Variants in TRMT11 observed in about 807,000 individuals in gnomAD.
TRMT11 encodes the protein tRNA (guanine(10)-N(2))-methyltransferase TRMT11.
Under a neutral mutation model 62.8 loss-of-function variants are expected in TRMT11, and 53 were observed. The observed-to-expected ratio is 0.84, with a 90% CI of 0.68 to 1.06. The LOEUF (loss-of-function observed/expected upper bound fraction) is 1.06. TRMT11 is among the 50% of genes least tolerant of loss of function. The probability of loss-of-function intolerance (pLI) is 0.00; values close to 1 mark genes in which losing one functional copy is unlikely to be tolerated. For synonymous variants in TRMT11, 188 were observed against 190.3 expected (o/e 0.99, Z 0.10); for missense variants, 556 against 553.4 (o/e 1.00, Z -0.05).
chr6:125,988,198 A>T (rs1789990882), intron 1 of TRMT11, among the ~76,000 whole-genome samples: 1 of 152,228 alleles, frequency 6.6e-6, no homozygotes, highest in South Asian at 2.1e-4. Context: ...AAAAAGTGTC[A>T]TTGATAGTCT....
At chr6:125,987,478 G>A (rs1166358117) in intron 1 of TRMT11, among the ~76,000 whole-genome samples, 1 of 152,176 alleles carries the variant, frequency 6.6e-6, no homozygotes, top group Admixed American at 6.5e-5. Flanking sequence ...GAGTACCCTG[G>A]AGCTTGGAAG....
intron 8 of TRMT11, chr6:126,009,428 C>A (rs1201571817): frequency 2.0e-5 from 3 of 151,838 alleles, no homozygotes; most frequent in African/African-American, 7.3e-5. Flanking sequence ...TTCCTTATAG[C>A]TTAATGGTAT....
chr6:126,093,625 A>ATTT (rs1483189635), intron 17 of TRMT11, among the ~76,000 whole-genome samples: 8 of 103,520 alleles, frequency 7.7e-5, no homozygotes, highest in African/African-American at 3.8e-4. Flanking sequence ...ATATATATAT[A>ATTT]TATATATTTT....
downstream of TRMT11, among the ~76,000 whole-genome samples, chr6:126,042,399 G>T (rs1302110109): frequency 1.3e-5 from 2 of 152,112 alleles, no homozygotes; most frequent in Non-Finnish European, 2.9e-5. Context: ...AGGGCTCTTT[G>T]GGGGATGGAG....
Position 126,001,122 on chromosome 6 carries a change from A to G in TRMT11, c.679+1509A>G, listed in dbSNP as rs946728781. 2.0e-5 allele frequency among the ~76,000 whole-genome samples: 3 copies of G among 152,242 alleles called. No homozygotes were observed. In the East Asian group the frequency reaches 5.8e-4, roughly 29 times the overall value. On this transcript the variant is annotated intron_variant, in intron 7 of 12. Transcript: ENST00000334379. Reference sequence around the variant, plus strand: ...CAAGAATGAGGATATATTCTTCTACATAACCACAGTACTGTTTTCAGTGTT... The same window carrying G: ...CAAGAATGAGGATATATTCTTCTACGTAACCACAGTACTGTTTTCAGTGTT...
intron 17 of TRMT11, among the ~76,000 whole-genome samples, chr6:126,091,863 C>A (rs898771853): frequency 1.9e-4 from 29 of 152,260 alleles, no homozygotes; most frequent in African/African-American, 7.0e-4. Flanking sequence ...GCCGTAAAAT[C>A]GCCACATGGA....
At chr6:126,108,092 A>G (rs1777484700) in intron 17 of TRMT11, among the ~76,000 whole-genome samples, 1 of 152,122 alleles carries the variant, frequency 6.6e-6, no homozygotes, top group Non-Finnish European at 1.5e-5. Flanking sequence ...ATTCTTCCCT[A>G]TCTTTTTAAA....
chr6:126,194,398 T>C (rs1778640864), intron 1 of TRMT11, among the ~76,000 whole-genome samples: 1 of 152,224 alleles, frequency 6.6e-6, no homozygotes, highest in Non-Finnish European at 1.5e-5. Context: ...TGGTACACAC[T>C]ACTGACCATT....
the TRMT11 span, among the ~76,000 whole-genome samples, chr6:126,252,678 A>G: frequency 6.6e-6 from 1 of 152,194 alleles, no homozygotes; most frequent in Non-Finnish European, 1.5e-5. Flanking sequence ...AATAGAGAAT[A>G]GTAGAATTTC....
intron 1 of TRMT11, among the ~76,000 whole-genome samples, chr6:125,989,648 G>A (rs958346876): frequency 6.6e-6 from 1 of 152,162 alleles, no homozygotes; most frequent in African/African-American, 2.4e-5. Flanking sequence ...AACAACCTTA[G>A]TACTTGGTGA....
chr6:126,191,527 T>A (rs1455977277), intron 1 of TRMT11, among the ~76,000 whole-genome samples: 4 of 147,098 alleles, frequency 2.7e-5, no homozygotes, highest in African/African-American at 9.9e-5. Context: ...GCCCTCAAAA[T>A]CTTTGCCTAG....
chr6:126,069,909 A>G (rs780131634), intron 17 of TRMT11, among the ~76,000 whole-genome samples: 3 of 151,624 alleles, frequency 2.0e-5, no homozygotes, highest in Non-Finnish European at 2.9e-5. Context: ...GTCAGCAGAA[A>G]TGTCCTTTAA....
chr6:126,214,376 G>A, the TRMT11 span, among the ~76,000 whole-genome samples: 1 of 151,820 alleles, frequency 6.6e-6, no homozygotes, highest in African/African-American at 2.4e-5. Context: ...GGGCTTTTCT[G>A]TTCTGGAAGA....
rs368598838 is a variant in TRMT11 at position 125,998,255 on chromosome 6, A to G, written c.327A>G (p.Lys109=). The G allele has an allele frequency of 2.5e-6, 4 of 1,602,358 alleles. No individual in the cohort carries two copies. Among genetic ancestry groups the G allele is most frequent in the Non-Finnish European group, 3.4e-6 (4 of 1,170,196 alleles). ...TTCTACATTCGGACTCTACATATAAAATAAAGATTCACACTTTTAATAAGA... is the reference window on the plus strand; with the variant it reads ...TTCTACATTCGGACTCTACATATAAGATAAAGATTCACACTTTTAATAAGA... ...VPFLHSDSTY[K]IKIHTFNKTL... Residue 109 remains lysine (K), a synonymous_variant, in exon 5 of 13, where the codon AAA becomes AAG. Transcript: ENST00000334379.
At chr6:126,139,106 A>G (rs1414124542) in intron 21 of TRMT11, among the ~76,000 whole-genome samples, 1 of 152,014 alleles carries the variant, frequency 6.6e-6, no homozygotes, top group Non-Finnish European at 1.5e-5. Flanking sequence ...TTAAGTAATA[A>G]TTCTAATTTT....
intron 7 of TRMT11, among the ~76,000 whole-genome samples, chr6:126,006,460 A>T (rs1583680923): frequency 6.6e-6 from 1 of 152,126 alleles, no homozygotes; most frequent in Middle Eastern, 3.4e-3. Context: ...CCCTAACCTT[A>T]AAGTGCTTAC....
chr6:126,162,223 G>C (rs1310435249), intron 21 of TRMT11, among the ~76,000 whole-genome samples: 7 of 152,066 alleles, frequency 4.6e-5, no homozygotes, highest in Non-Finnish European at 8.8e-5. Flanking sequence ...AATCCATCTT[G>C]AGTTAATTTT....
intron 21 of TRMT11, among the ~76,000 whole-genome samples, chr6:126,134,160 A>T (rs1777822908): frequency 6.6e-6 from 1 of 151,934 alleles, no homozygotes; most frequent in Non-Finnish European, 1.5e-5. Context: ...ATAAATAATA[A>T]CATTAAATGT....
rs541090650 is a variant in TRMT11, at chr6:126,191,114, C to T, written n.144-7685C>T. 7.2e-5 allele frequency among the ~76,000 whole-genome samples: 11 copies of T among 151,944 alleles called. No individual in the cohort carries two copies. The South Asian group carries it at 2.3e-3, about 32-fold the overall frequency. ...CACCAGCATTTGTTATTTTTTTTGC[C>T]TTTTTGATAGTAGCCATTTTAACTG... On this transcript the variant is annotated intron_variant and non_coding_transcript_variant, in intron 1 of 3. Coordinates refer to the TRMT11 transcript ENST00000444229.
Sources: allele counts gnomAD v4.1 joint callset (sites outside exome capture counted in the v4.1 genomes callset), GRCh38; gene constraint gnomAD v4.1.1; transcripts MANE v1.5; gene names NCBI Gene and HGNC (gene_info 2026-07-23, HGNC 2026-07-21).